ACAP2: variants seen among roughly 807,000 people sequenced by gnomAD.
ACAP2 encodes the protein ArfGAP with coiled-coil, ankyrin repeat and PH domains 2.
Under a neutral mutation model 115.8 loss-of-function variants are expected in ACAP2, and 39 were observed. The observed-to-expected ratio is 0.34, with a 90% CI of 0.26 to 0.44. The LOEUF (loss-of-function observed/expected upper bound fraction) is 0.44, where lower values mean the gene tolerates loss of function less well. Ranked by LOEUF, ACAP2 falls within the 20% of genes least tolerant of loss-of-function variation. ACAP2 has a pLI of 1.00. For synonymous variants in ACAP2, 289 were observed against 315.8 expected (o/e 0.92, Z 0.90); for missense variants, 662 against 927.6 (o/e 0.71, Z 3.72).
intron 1 of ACAP2, among the ~76,000 whole-genome samples, chr3:195,440,437 G>C (rs998923803): frequency 6.6e-6 from 1 of 152,168 alleles, no homozygotes; most frequent in Non-Finnish European, 1.5e-5. Flanking sequence ...TGTGCCTTTT[G>C]CATTAATTCT....
chr3:195,343,720 T>C (rs1195973200), intron 5 of ACAP2, among the ~76,000 whole-genome samples: 1 of 152,224 alleles, frequency 6.6e-6, no homozygotes, highest in Non-Finnish European at 1.5e-5. Context: ...CTGAAACACT[T>C]GGTTCATTAA....
intron 4 of ACAP2, among the ~76,000 whole-genome samples, chr3:195,371,467 GGT>G (rs1733137272): frequency 1.3e-5 from 2 of 152,006 alleles, no homozygotes; most frequent in Non-Finnish European, 2.9e-5. Context: ...GAGACTATAG[GGT>G]TTTCTAGATA....
At chr3:195,294,649 A>C (rs1304193749) in intron 18 of ACAP2, 70 bp downstream of exon 18, 1 of 506,522 alleles carries the variant, frequency 2.0e-6, no homozygotes, top group Non-Finnish European at 3.3e-6. Flanking sequence ...TTTTAATCAA[A>C]GGTAAACATT....
At chr3:195,429,714 T>C (rs573724728) in intron 1 of ACAP2, among the ~76,000 whole-genome samples, 2 of 152,296 alleles carry the variant, frequency 1.3e-5, no homozygotes, top group East Asian at 3.9e-4. Flanking sequence ...ATTAATACTT[T>C]TTAATTTCTT....
chr3:195,288,932 T>C (rs997866151), intron 21 of ACAP2, among the ~76,000 whole-genome samples, 189 bp downstream of exon 21: 2 of 152,016 alleles, frequency 1.3e-5, no homozygotes, highest in South Asian at 2.1e-4. Context: ...GTATAATAAG[T>C]AGAGATGATT....
chr3:195,350,941 C>T (rs1401224806), intron 4 of ACAP2, among the ~76,000 whole-genome samples: 2 of 151,772 alleles, frequency 1.3e-5, no homozygotes, highest in Non-Finnish European at 2.9e-5. Flanking sequence ...GTTAAGCAAA[C>T]ATTTCCTAAC....
At chr3:195,412,898 G>A (rs1054842222) in intron 1 of ACAP2, 2 of 456,264 alleles carry the variant, frequency 4.4e-6, no homozygotes, top group African/African-American at 4.0e-5. Flanking sequence ...GGTAAAACAA[G>A]CCCCTGCTCT....
chr3:195,421,219 T>G (rs1481592264), intron 1 of ACAP2, among the ~76,000 whole-genome samples: 2 of 152,212 alleles, frequency 1.3e-5, no homozygotes, highest in Non-Finnish European at 2.9e-5. Context: ...CTGAGTCCTA[T>G]TCACCTCTAG....
At chr3:195,408,744 A>G (rs1258126222) in intron 1 of ACAP2, among the ~76,000 whole-genome samples, 1 of 152,204 alleles carries the variant, frequency 6.6e-6, no homozygotes, top group Non-Finnish European at 1.5e-5. Flanking sequence ...TAAAAGGATT[A>G]TACACCATGA....
At chr3:195,284,289 T>G (rs73069048) in intron 22 of ACAP2, among the ~76,000 whole-genome samples, 2,091 of 152,342 alleles carry the variant, frequency 0.014, 52 homozygotes, top group African/African-American at 0.047. Flanking sequence ...TTAAAGTGCT[T>G]AAACACAAAG....
At chr3:195,439,201 T>C (rs1050654741) in intron 1 of ACAP2, among the ~76,000 whole-genome samples, 3 of 150,948 alleles carry the variant, frequency 2.0e-5, no homozygotes, top group African/African-American at 7.3e-5. Flanking sequence ...CTTTTTTTTT[T>C]TTTTTTTAAG....
At chr3:195,292,708 G>A (rs899070950) in intron 18 of ACAP2, among the ~76,000 whole-genome samples, 5 of 151,912 alleles carry the variant, frequency 3.3e-5, no homozygotes, top group African/African-American at 1.2e-4. Flanking sequence ...GATCACTTGA[G>A]GTCAGGAGTT....
At chr3:195,426,651 T>A (rs1414558499) in intron 1 of ACAP2, among the ~76,000 whole-genome samples, 4 of 152,126 alleles carry the variant, frequency 2.6e-5, no homozygotes, top group Non-Finnish European at 5.9e-5. Context: ...CCTTTCTCAC[T>A]ACGGCAACTG....
intron 1 of ACAP2, among the ~76,000 whole-genome samples, chr3:195,434,223 T>G (rs1263125868): frequency 2.0e-5 from 3 of 150,796 alleles, no homozygotes; most frequent in Non-Finnish European, 1.5e-5. Context: ...ACCGCCATGT[T>G]TGGCCTGGTT....
chr3:195,416,403 G>A lies in ACAP2; in HGVS notation c.54-24256C>T, dbSNP rs183020068. 2.0e-3 allele frequency among the ~76,000 whole-genome samples: 293 copies of A among 149,916 alleles called. 2 individuals carry two copies. Among genetic ancestry groups the A allele is most frequent in the Non-Finnish European group, 6.1e-4 (41 of 67,624 alleles). The stretch of plus-strand genomic sequence containing the variant: ...TTAAGAAACACAAATTTAAAATCAC[G>A]AAATACCATTTCACATCCATCAGAT... On this transcript the variant is annotated intron_variant, in intron 1 of 22. Transcript: ENST00000326793.
chr3:195,324,662 G>A (rs574421657), intron 9 of ACAP2, among the ~76,000 whole-genome samples: 6 of 152,176 alleles, frequency 3.9e-5, no homozygotes, highest in African/African-American at 1.2e-4. Context: ...GCTGAGGCAG[G>A]AGAATCACTT....
chr3:195,329,328 T>G (rs1214124929), intron 8 of ACAP2, among the ~76,000 whole-genome samples: 1 of 152,154 alleles, frequency 6.6e-6, no homozygotes, highest in Non-Finnish European at 1.5e-5. Flanking sequence ...GTGTTTGTGT[T>G]AGTACTGGAC....
At chr3:195,361,763 A>G (rs1376539762) in intron 4 of ACAP2, among the ~76,000 whole-genome samples, 1 of 152,092 alleles carries the variant, frequency 6.6e-6, no homozygotes, top group Non-Finnish European at 1.5e-5. Context: ...AAAAAGATTA[A>G]AAAACTGACA....
chr3:195,336,495 A>G (rs1184020733), intron 7 of ACAP2: 1 of 152,886 alleles, frequency 6.5e-6, no homozygotes, highest in African/African-American at 2.4e-5. Context: ...AGGCTGGGAA[A>G]AAAATTTTAA....
Sources: allele counts gnomAD v4.1 joint callset (sites outside exome capture counted in the v4.1 genomes callset), GRCh38; gene constraint gnomAD v4.1.1; transcripts MANE v1.5; gene names NCBI Gene and HGNC (gene_info 2026-07-23, HGNC 2026-07-21).